The following TSC22D1 variants were observed in gnomAD, a reference collection of about 807,000 sequenced individuals.
The protein encoded by TSC22D1 is TSC22 domain family member 1, also known as TSC22 domain family protein 1.
In TSC22D1, 9 loss-of-function variants were observed where a neutral mutation model predicts 74.2. The observed-to-expected ratio is 0.12, with a 90% CI of 0.07 to 0.21. The LOEUF is 0.21. Among genes scored for constraint, TSC22D1 ranks in the 10% least tolerant of loss-of-function variants. TSC22D1 has a pLI of 1.00. For synonymous variants in TSC22D1, 586 were observed against 492.5 expected, an observed-to-expected ratio of 1.19 and a Z score of -2.51; for missense variants, 1,427 against 1,304.7, an observed-to-expected ratio of 1.09 and a Z score of -1.44.
intron 1 of TSC22D1, among the ~76,000 whole-genome samples, chr13:44,440,300 C>T (rs879416831): frequency 3.3e-5 from 5 of 152,112 alleles, no homozygotes; most frequent in South Asian, 2.1e-4. Flanking sequence ...TGGCCGGGCG[C>T]GAGCGCGATG....
intron 1 of TSC22D1, among the ~76,000 whole-genome samples, chr13:44,564,215 A>G (rs1219940379): frequency 1.3e-5 from 2 of 152,214 alleles, no homozygotes; most frequent in African/African-American, 4.8e-5. Context: ...TATTAACAGT[A>G]TATTTTCTTG....
In TSC22D1 at chr13:44,433,789, A is replaced by G. The variant is rs1246127352; in HGVS notation, c.*837T>C. 7 of 538,506 alleles carry G rather than the reference A, an allele frequency of 1.3e-5. No individual in the cohort carries two copies. The highest frequency in any genetic ancestry group is 2.2e-5 in the Non-Finnish European group (7 of 317,442). 33.4% of individuals were successfully genotyped at this position (538,506 alleles called of 1,614,324 possible). A position where few individuals can be genotyped will look rare whatever the true frequency, so the allele number is the denominator to read the frequency against. ...GCTAGATTTCAGATTACACAAAGTG[A>G]GTAACTGTGCCAAATTCTTAAAATT... On this transcript the variant is annotated 3_prime_UTR_variant, in exon 3 of 3. Coordinates refer to ENST00000458659, the MANE Select transcript of TSC22D1 (RefSeq NM_183422.4).
At chr13:44,564,107 C>T (rs892004691) in intron 1 of TSC22D1, among the ~76,000 whole-genome samples, 9 of 152,076 alleles carry the variant, frequency 5.9e-5, no homozygotes, top group African/African-American at 2.2e-4. Context: ...TCATAAAGAA[C>T]TTTATCTTTC....
At chr13:44,544,934 A>G (rs972016979) in intron 1 of TSC22D1, among the ~76,000 whole-genome samples, 4 of 152,214 alleles carry the variant, frequency 2.6e-5, no homozygotes, top group Non-Finnish European at 5.9e-5. Context: ...TAGTTAATTC[A>G]CTATAGAATA....
At chr13:44,445,442 A>G (rs1018126894) in intron 1 of TSC22D1, among the ~76,000 whole-genome samples, 2 of 152,150 alleles carry the variant, frequency 1.3e-5, no homozygotes, top group African/African-American at 4.8e-5. Context: ...AAGAAAACAT[A>G]AATCTTTTGA....
At chr13:44,528,054 T>G (rs1026374818) in intron 1 of TSC22D1, among the ~76,000 whole-genome samples, 1 of 151,958 alleles carries the variant, frequency 6.6e-6, no homozygotes, top group East Asian at 1.9e-4. Flanking sequence ...AGACAAAAAC[T>G]GATAGAAATG....
intron 1 of TSC22D1, among the ~76,000 whole-genome samples, chr13:44,469,222 T>C (rs1421647732): frequency 6.6e-6 from 1 of 152,180 alleles, no homozygotes; most frequent in Non-Finnish European, 1.5e-5. Context: ...GATCTATAAG[T>C]ACCCACCGCC....
rs540235544 is a variant in TSC22D1 at position 44,576,116 on chromosome 13, C to A, written c.-42G>T. On this transcript the variant is annotated 5_prime_UTR_variant, in exon 1 of 3. Coordinates refer to ENST00000458659, the MANE Select transcript of TSC22D1 (RefSeq NM_183422.4). ...GGCGCGGAGGAGACGAGTGCAATTT[C>A]CTTCTGCACCGTAATCTTTGTATTG... 5 of 1,459,014 alleles carry A rather than the reference C, an allele frequency of 3.4e-6. No individual in the cohort carries two copies. The African/African-American group carries it at 5.7e-5, about 17-fold the overall frequency. The allele number at this position is 1,459,014 out of a possible 1,614,324, so 90.4% of individuals were successfully genotyped here.
At chr13:44,551,321 GT>G (rs1882231729) in intron 1 of TSC22D1, among the ~76,000 whole-genome samples, 1 of 150,294 alleles carries the variant, frequency 6.7e-6, no homozygotes. Context: ...GTGTGTGTGT[GT>G]GTGTGTGTGT....
At chr13:44,496,405 G>A (rs539019693) in intron 1 of TSC22D1, among the ~76,000 whole-genome samples, 8 of 152,126 alleles carry the variant, frequency 5.3e-5, no homozygotes, top group South Asian at 4.2e-4. Flanking sequence ...TGGGGTGGCC[G>A]GGTGTGGTGG....
In TSC22D1 at chr13:44,468,375, A is replaced by AT. The variant is rs201690330; in HGVS notation, c.2913-32281dup. Among the ~76,000 whole-genome samples, 84 of 131,534 alleles carry AT rather than the reference A, an allele frequency of 6.4e-4. 1 individual carries two copies. The highest frequency in any genetic ancestry group is 1.8e-3 in the African/African-American group (71 of 39,324). The allele number at this position is 131,534 out of a possible 152,430, so 86.3% of individuals were successfully genotyped here. On this transcript the variant is annotated intron_variant, in intron 1 of 2. Coordinates refer to ENST00000458659, the MANE Select transcript of TSC22D1 (RefSeq NM_183422.4). ...CCACTTGTACCCCTAAAGCTATTGAATTTTTTTTTTAAAAAAGCTGCTACC... is the reference window on the plus strand; with the variant it reads ...CCACTTGTACCCCTAAAGCTATTGAATTTTTTTTTTTAAAAAAGCTGCTACC...
chr13:44,487,483 A>G (rs1878487357), intron 1 of TSC22D1, among the ~76,000 whole-genome samples: 1 of 131,968 alleles, frequency 7.6e-6, no homozygotes, highest in South Asian at 2.9e-4. Context: ...TGGGCAACAG[A>G]GCAAGACTCC....
rs1436445368 is a variant in TSC22D1, at chr13:44,575,516, C to T, written c.559G>A (p.Gly187Arg). The T allele has an allele frequency of 3.7e-6, 6 of 1,613,926 alleles. No individual in the cohort carries two copies. The highest frequency in any genetic ancestry group is 8.5e-7 in the Non-Finnish European group (1 of 1,180,020). ...TGGGGCTGGTTGGGAGAGACTGCCCCAGGTGTCTCGGCTTCCTGGAAGTTA... is the reference window on the plus strand; with the variant it reads ...TGGGGCTGGTTGGGAGAGACTGCCCTAGGTGTCTCGGCTTCCTGGAAGTTA... ...LNNFQEAETP[G>R]AVSPNQPHLP... Residue 187 changes from glycine to arginine, a missense_variant, in exon 1 of 3, where the codon GGG becomes AGG. By Grantham distance (125) the Gly-to-Arg change is moderately radical (BLOSUM62 -2). Coordinates refer to ENST00000458659, the MANE Select transcript of TSC22D1 (RefSeq NM_183422.4).
At chr13:44,540,665 T>C (rs1025312127) in intron 1 of TSC22D1, among the ~76,000 whole-genome samples, 8 of 152,082 alleles carry the variant, frequency 5.3e-5, no homozygotes, top group Admixed American at 1.3e-4. Context: ...GGCTATAACA[T>C]AGAAATTAAA....
chr13:44,523,139 C>G (rs139482221), intron 1 of TSC22D1, among the ~76,000 whole-genome samples: 165 of 151,946 alleles, frequency 1.1e-3, no homozygotes, highest in Non-Finnish European at 1.9e-3. Flanking sequence ...GCTACAATCA[C>G]TGACAACACC....
At chr13:44,519,499 A>G (rs945996712) in intron 1 of TSC22D1, among the ~76,000 whole-genome samples, 1 of 152,162 alleles carries the variant, frequency 6.6e-6, no homozygotes. Flanking sequence ...TCACCTATTC[A>G]AGAACATCAC....
intron 1 of TSC22D1, among the ~76,000 whole-genome samples, chr13:44,458,861 A>G (rs1231281708): frequency 6.6e-6 from 1 of 152,158 alleles, no homozygotes; most frequent in African/African-American, 2.4e-5. Flanking sequence ...CAAGTGCAGG[A>G]AGAAGGCCAG....
At chr13:44,437,424 A>G (rs531207312) in intron 1 of TSC22D1, 28 of 225,722 alleles carry the variant, frequency 1.2e-4, no homozygotes, top group African/African-American at 6.1e-4. Context: ...ATTTTAGAGG[A>G]AAAAAAATCA....
intron 1 of TSC22D1, among the ~76,000 whole-genome samples, chr13:44,572,947 C>G (rs1883871989): frequency 6.6e-6 from 1 of 152,232 alleles, no homozygotes; most frequent in South Asian, 2.1e-4. Context: ...TGCTCAACAA[C>G]TATTCTGAAA....
Sources: gnomAD v4.1 joint callset for allele counts (sites outside exome capture counted in the v4.1 genomes callset) on GRCh38, gnomAD v4.1.1 for gene constraint, MANE v1.5 for transcripts, NCBI Gene and HGNC (gene_info 2026-07-23, HGNC 2026-07-21) for gene names.